The following FOXP1 variants were observed in gnomAD, a reference collection of about 807,000 sequenced individuals.
FOXP1 encodes the protein forkhead box protein P1.
Under a neutral mutation model 98.2 loss-of-function variants are expected in FOXP1, and 15 were observed. The ratio of observed to expected loss-of-function variants is 0.15; its 90% CI spans 0.10 to 0.24. The LOEUF is 0.24. Ranked by LOEUF, FOXP1 falls within the 10% of genes least tolerant of loss-of-function variation. FOXP1 has a pLI of 1.00. For synonymous variants in FOXP1, 371 were observed against 314.5 expected, an observed-to-expected ratio of 1.18 and a Z score of -1.90; for missense variants, 633 against 848.5, an observed-to-expected ratio of 0.75 and a Z score of 3.15.
intron 2 of FOXP1, among the ~76,000 whole-genome samples, chr3:71,566,332 T>A (rs1383362053): frequency 6.6e-6 from 1 of 152,182 alleles, no homozygotes; most frequent in Non-Finnish European, 1.5e-5. Flanking sequence ...TAATAACTGG[T>A]TTGCAAATGG....
chr3:71,087,493 A>C (rs773181044), intron 7 of FOXP1, among the ~76,000 whole-genome samples: 1 of 152,234 alleles, frequency 6.6e-6, no homozygotes, highest in Non-Finnish European at 1.5e-5. Context: ...TTGTCAGTGC[A>C]TCACAAAATG....
intron 3 of FOXP1, among the ~76,000 whole-genome samples, chr3:71,437,593 C>G (rs2085485942): frequency 6.6e-6 from 1 of 152,124 alleles, no homozygotes; most frequent in Non-Finnish European, 1.5e-5. Context: ...CACCCCAGGT[C>G]TCTCTGAGTG....
intron 7 of FOXP1, among the ~76,000 whole-genome samples, chr3:71,096,970 C>T (rs1252402365): frequency 1.3e-5 from 2 of 152,158 alleles, no homozygotes; most frequent in African/African-American, 4.8e-5. Context: ...TGTTAGGTGG[C>T]ACCTCTGCGC....
intron 3 of FOXP1, among the ~76,000 whole-genome samples, chr3:71,483,813 T>A (rs1473144220): frequency 2.0e-5 from 3 of 151,960 alleles, no homozygotes; most frequent in Admixed American, 1.3e-4. Context: ...GAACTTTTTT[T>A]TAATTACAAA....
intron 3 of FOXP1, among the ~76,000 whole-genome samples, chr3:71,427,587 A>G (rs1426026452): frequency 6.6e-6 from 1 of 152,190 alleles, no homozygotes; most frequent in African/African-American, 2.4e-5. Flanking sequence ...TCCAGGAGGG[A>G]CATATAAAGG....
chr3:71,371,223 C>T (rs1472148944), intron 3 of FOXP1, among the ~76,000 whole-genome samples: 2 of 152,196 alleles, frequency 1.3e-5, no homozygotes, highest in Non-Finnish European at 2.9e-5. Context: ...AAGCACTGTG[C>T]TTCCACCCTT....
chr3:71,330,630 T>A (rs1251587042), intron 4 of FOXP1, among the ~76,000 whole-genome samples: 39 of 152,202 alleles, frequency 2.6e-4, no homozygotes, highest in Admixed American at 2.6e-3. Context: ...TTAAGTGCAA[T>A]TAAGACATGA....
At chr3:71,378,101 A>AC (rs2079861966) in intron 3 of FOXP1, among the ~76,000 whole-genome samples, 1 of 149,612 alleles carries the variant, frequency 6.7e-6, no homozygotes, top group African/African-American at 2.4e-5. Flanking sequence ...AAGAAACAAA[A>AC]AAAAAAAAAA....
At chr3:71,094,137 G>A (rs1240890555) in intron 7 of FOXP1, among the ~76,000 whole-genome samples, 10 of 152,162 alleles carry the variant, frequency 6.6e-5, no homozygotes, top group Non-Finnish European at 1.0e-4. Context: ...ACTGCAGGAC[G>A]CACAGTCTCT....
intron 3 of FOXP1, among the ~76,000 whole-genome samples, chr3:71,420,287 A>G (rs1044083064): frequency 6.6e-6 from 1 of 152,190 alleles, no homozygotes; most frequent in Non-Finnish European, 1.5e-5. Flanking sequence ...GGCAAAAATG[A>G]GGGTGTGGAG....
chr3:71,334,719 A>AAC (rs1240636510), intron 4 of FOXP1: 3 of 152,230 alleles, frequency 2.0e-5, no homozygotes, highest in African/African-American at 7.2e-5. Context: ...AAGTATAAAG[A>AAC]ACACAGCAAA....
chr3:70,972,306 G>T, intron 18 of FOXP1: 1 of 968,966 alleles, frequency 1.0e-6, no homozygotes, highest in Non-Finnish European at 1.5e-6. Context: ...TAAGCAAATG[G>T]TTTGTGAGGG....
chr3:71,154,112 G>C (rs1469538294), intron 6 of FOXP1, among the ~76,000 whole-genome samples: 1 of 146,448 alleles, frequency 6.8e-6, no homozygotes, highest in Non-Finnish European at 1.5e-5. Context: ...TTTTGCAATT[G>C]ACTAATAATA....
intron 6 of FOXP1, among the ~76,000 whole-genome samples, chr3:71,153,121 C>T (rs1339128762): frequency 7.9e-5 from 12 of 152,094 alleles, no homozygotes; most frequent in Non-Finnish European, 1.2e-4. Flanking sequence ...TTCTGTTTAC[C>T]GACCAGTTAA....
chr3:71,413,257 T>TACACACACACACACAC (rs1560450256), intron 3 of FOXP1, among the ~76,000 whole-genome samples: 2 of 10,524 alleles, frequency 1.9e-4, no homozygotes, highest in African/African-American at 3.3e-4. Context: ...ATCCCCCAAA[T>TACACACACACACACAC]AGACACACAC....
intron 2 of FOXP1, among the ~76,000 whole-genome samples, chr3:71,553,522 G>C (rs1377333997): frequency 6.6e-6 from 1 of 152,004 alleles, no homozygotes; most frequent in Non-Finnish European, 1.5e-5. Flanking sequence ...TAACTTGTTC[G>C]GTTCTTCACT....
At chr3:71,145,103 G>C (rs1328327040) in intron 6 of FOXP1, among the ~76,000 whole-genome samples, 1 of 152,180 alleles carries the variant, frequency 6.6e-6, no homozygotes, top group Non-Finnish European at 1.5e-5. Context: ...GTTGTTTCCA[G>C]CTTGGGGCAA....
chr3:71,479,759 G>C (rs1036167430), intron 3 of FOXP1, among the ~76,000 whole-genome samples: 1 of 151,288 alleles, frequency 6.6e-6, no homozygotes, highest in Admixed American at 6.6e-5. Flanking sequence ...TTCTTGGGTA[G>C]ACAGAACAGA....
At chr3:71,063,700 A>C (rs1235027017) in intron 7 of FOXP1, among the ~76,000 whole-genome samples, 1 of 152,118 alleles carries the variant, frequency 6.6e-6, no homozygotes, top group Admixed American at 6.5e-5. Context: ...TTTTTCCCCC[A>C]CATGTGTCAC....
Sources: allele counts gnomAD v4.1 joint callset (sites outside exome capture counted in the v4.1 genomes callset), GRCh38; gene constraint gnomAD v4.1.1; transcripts MANE v1.5; gene names NCBI Gene and HGNC (gene_info 2026-07-23, HGNC 2026-07-21).